DGKD: variants seen among roughly 807,000 people sequenced by gnomAD.
DGKD encodes the protein diacylglycerol kinase delta.
In DGKD, 68 loss-of-function variants were observed where a neutral mutation model predicts 154.4. That is an observed-to-expected ratio of 0.44 (90% CI 0.36 to 0.54). DGKD has a LOEUF of 0.54. Ranked by LOEUF, DGKD falls within the 20% of genes least tolerant of loss-of-function variation. DGKD has a pLI of 0.00. For missense variants in DGKD, 1,343 were observed against 1,593.6 expected, an observed-to-expected ratio of 0.84 and a Z score of 2.68; for synonymous variants, 693 against 638.0, an observed-to-expected ratio of 1.09 and a Z score of -1.30.
Position 233,451,406 on chromosome 2 carries a change from G to GT in DGKD, c.2167+357dup, listed in dbSNP as rs552182125. Among the ~76,000 whole-genome samples, 219 of 152,202 alleles carry GT rather than the reference G, an allele frequency of 1.4e-3. 2 individuals are homozygous for GT. Among genetic ancestry groups the GT allele is most frequent in the African/African-American group, 5.1e-3 (213 of 41,518 alleles). ...GGGACCATCCCGTGCTTCTAGCGTG[G>GT]TCGCAGGAGGCGCAGGGAGGGTGAG... is the stretch of plus-strand genomic sequence containing the variant. On this transcript the variant is annotated intron_variant, in intron 17 of 29. Coordinates refer to ENST00000264057, the MANE Select transcript of DGKD (RefSeq NM_152879.3).
chr2:233,425,706 G>A (rs987010584), intron 3 of DGKD, among the ~76,000 whole-genome samples: 6 of 152,232 alleles, frequency 3.9e-5, no homozygotes, highest in African/African-American at 1.4e-4. Context: ...ATAAGAACAT[G>A]TAGAGTAGCT....
chr2:233,427,488 A>T (rs2062350466), intron 3 of DGKD, among the ~76,000 whole-genome samples: 1 of 151,964 alleles, frequency 6.6e-6, no homozygotes, highest in South Asian at 2.1e-4. Flanking sequence ...TTACAGGTAC[A>T]TGCCACCACG....
At chr2:233,437,503 T>G (rs761476841) in intron 8 of DGKD, 24 bp downstream of exon 8, 29 of 1,604,102 alleles carry the variant, frequency 1.8e-5, no homozygotes, top group Non-Finnish European at 2.5e-5. Context: ...ATGCTTATCC[T>G]TCTCATGCAC....
chr2:233,364,268 A>G (rs1230640169), intron 1 of DGKD, among the ~76,000 whole-genome samples: 3 of 152,254 alleles, frequency 2.0e-5, no homozygotes, highest in Non-Finnish European at 4.4e-5. Flanking sequence ...TCATATAAAC[A>G]AAAACAATGT....
chr2:233,357,537 CTTTTTTT>C (rs374813757), intron 1 of DGKD, among the ~76,000 whole-genome samples: 2 of 129,224 alleles, frequency 1.5e-5, no homozygotes, highest in African/African-American at 6.0e-5. Context: ...TTCTTTCTTT[CTTTTTTT>C]TTTTTTTTTT....
chr2:233,442,326 T>G, intron 10 of DGKD: 19 of 427,900 alleles, frequency 4.4e-5, no homozygotes, highest in East Asian at 1.1e-4. Flanking sequence ...TTGAGGCCTC[T>G]TGCTTGTGAG....
intron 3 of DGKD, among the ~76,000 whole-genome samples, chr2:233,430,457 A>G (rs1382332058): frequency 1.3e-5 from 2 of 152,234 alleles, no homozygotes; most frequent in Non-Finnish European, 2.9e-5. Flanking sequence ...ATGGAAAGGC[A>G]AAGGTGGAGA....
chr2:233,413,895 G>A (rs1274414027), intron 3 of DGKD, among the ~76,000 whole-genome samples: 2 of 152,206 alleles, frequency 1.3e-5, no homozygotes, highest in African/African-American at 4.8e-5. Context: ...AAAACCTATA[G>A]TTGGAATTAC....
Position 233,365,111 on chromosome 2 carries a change from G to A in DGKD, c.156+10437G>A, listed in dbSNP as rs73106636. Among the ~76,000 whole-genome samples, 1,002 of 152,232 alleles carry A rather than the reference G, an allele frequency of 6.6e-3. 10 individuals are homozygous for A. The highest frequency in any genetic ancestry group is 0.023 in the African/African-American group (961 of 41,538). ...ATATAGAAGAAAAATTAACACAATT[G>A]TAAGGGAAACAAATTCATAATCATA... On this transcript the variant is annotated intron_variant, in intron 1 of 29. Coordinates refer to ENST00000264057, the MANE Select transcript of DGKD (RefSeq NM_152879.3).
intron 1 of DGKD, among the ~76,000 whole-genome samples, chr2:233,362,457 C>A (rs1701829120): frequency 6.6e-6 from 1 of 152,168 alleles, no homozygotes; most frequent in African/African-American, 2.4e-5. Context: ...TCAAGACCAG[C>A]TTGGCCAACA....
chr2:233,429,910 C>A (rs537241502), intron 3 of DGKD, among the ~76,000 whole-genome samples: 4 of 152,254 alleles, frequency 2.6e-5, no homozygotes, highest in African/African-American at 4.8e-5. Flanking sequence ...CATTTATCCC[C>A]TCTGCGGTGA....
intron 1 of DGKD, among the ~76,000 whole-genome samples, chr2:233,364,713 G>A (rs1559471661): frequency 2.0e-5 from 3 of 152,118 alleles, no homozygotes; most frequent in Admixed American, 6.6e-5. Flanking sequence ...AGAAAACACT[G>A]AACAATTGGG....
In DGKD at chr2:233,469,638, C is replaced by T. The variant is rs1050894329; in HGVS notation, c.*178C>T. 3.3e-6 allele frequency: 2 copies of T among 604,118 alleles called. No individual in the cohort carries two copies. Among genetic ancestry groups the T allele is most frequent in the Admixed American group, 5.8e-5 (2 of 34,634 alleles). The allele number at this position is 604,118 out of a possible 1,614,324, so 37.4% of individuals were successfully genotyped here. A position where few individuals can be genotyped will look rare whatever the true frequency, so the allele number is the denominator to read the frequency against. On this transcript the variant is annotated 3_prime_UTR_variant, in exon 30 of 30. Coordinates refer to ENST00000264057, the MANE Select transcript of DGKD (RefSeq NM_152879.3). ...TACAGAAAGCCTCCGTGACACCGTC[C>T]ACCAGAGCTCTGGGGTCTCGAACAT...
intron 3 of DGKD, among the ~76,000 whole-genome samples, chr2:233,398,057 C>T (rs1258786729): frequency 6.6e-6 from 1 of 151,766 alleles, no homozygotes; most frequent in Non-Finnish European, 1.5e-5. Context: ...ACTACATTTA[C>T]TTGCAACCTC....
At chr2:233,386,471 T>C (rs941988484) in intron 1 of DGKD, among the ~76,000 whole-genome samples, 1 of 150,128 alleles carries the variant, frequency 6.7e-6, no homozygotes, top group Non-Finnish European at 1.5e-5. Flanking sequence ...ACTTTCTGTC[T>C]GCCTTGGATC....
intron 1 of DGKD, among the ~76,000 whole-genome samples, chr2:233,360,333 A>G (rs753353395): frequency 6.6e-6 from 1 of 152,076 alleles, no homozygotes; most frequent in Non-Finnish European, 1.5e-5. Flanking sequence ...GGCATACTGC[A>G]GTCTCTGGCT....
intron 3 of DGKD, among the ~76,000 whole-genome samples, chr2:233,391,008 C>G (rs542735048): frequency 6.6e-6 from 1 of 152,222 alleles, no homozygotes; most frequent in Non-Finnish European, 1.5e-5. Flanking sequence ...CCTGGGATTA[C>G]AGGTGTGAGC....
At chr2:233,364,894 A>G (rs1701950525) in intron 1 of DGKD, among the ~76,000 whole-genome samples, 1 of 152,196 alleles carries the variant, frequency 6.6e-6, no homozygotes, top group South Asian at 2.1e-4. Context: ...AAACATAAGG[A>G]TATTAAAAGA....
At chr2:233,368,894 T>G (rs1048852054) in intron 1 of DGKD, among the ~76,000 whole-genome samples, 2 of 152,234 alleles carry the variant, frequency 1.3e-5, no homozygotes. Context: ...AGCTGGAGTT[T>G]CAGGTAGAAG....
Sources: gnomAD v4.1 joint callset for allele counts (sites outside exome capture counted in the v4.1 genomes callset) on GRCh38, gnomAD v4.1.1 for gene constraint, MANE v1.5 for transcripts, NCBI Gene and HGNC (gene_info 2026-07-23, HGNC 2026-07-21) for gene names.